The following IL1RAPL2 variants were observed in gnomAD, a reference collection of about 807,000 sequenced individuals.
IL1RAPL2 encodes the protein X-linked interleukin-1 receptor accessory protein-like 2.
In IL1RAPL2, 3 loss-of-function variants were observed where a neutral mutation model predicts 44.1. That is an observed-to-expected ratio of 0.07 (90% confidence interval 0.03 to 0.18). IL1RAPL2 has a LOEUF of 0.18. Ranked by LOEUF, IL1RAPL2 falls within the 10% of genes least tolerant of loss-of-function variation. The pLI, the probability that IL1RAPL2 is intolerant of heterozygous loss-of-function variation, is 1.00. For missense variants in IL1RAPL2, 391 were observed against 496.4 expected (o/e 0.79, Z 2.02); for synonymous variants, 181 against 178.8 (o/e 1.01, Z -0.10).
chrX:104,689,659 C>T (rs1209428682), intron 2 of IL1RAPL2, among the ~76,000 whole-genome samples: 2 of 111,566 alleles, frequency 1.8e-5, no homozygotes, highest in Non-Finnish European at 3.8e-5. Context: ...GGGCAAGCAG[C>T]CTTCACCAGG....
chrX:104,993,036 A>T (rs2030690343), intron 2 of IL1RAPL2, among the ~76,000 whole-genome samples: 1 of 111,650 alleles, frequency 9.0e-6, no homozygotes, highest in Non-Finnish European at 1.9e-5. Context: ...GAGCAGAGTC[A>T]CTTGAAAGGA....
At chrX:105,726,108 A>G in intron 7 of IL1RAPL2, among the ~76,000 whole-genome samples, 1 of 111,433 alleles carries the variant, frequency 9.0e-6, no homozygotes, top group Non-Finnish European at 1.9e-5. Context: ...AGTCTCAACT[A>G]TGTTGTGTTG....
At chrX:104,949,675 T>C (rs1276830379) in intron 2 of IL1RAPL2, among the ~76,000 whole-genome samples, 5 of 110,441 alleles carry the variant, frequency 4.5e-5, no homozygotes, top group Non-Finnish European at 3.8e-5. Flanking sequence ...TTTCGTTATG[T>C]AGCCAGTAGT....
intron 2 of IL1RAPL2, among the ~76,000 whole-genome samples, chrX:104,876,391 T>C (rs1922899540): frequency 8.9e-6 from 1 of 111,899 alleles, no homozygotes; most frequent in Non-Finnish European, 1.9e-5. Context: ...ATACATTTGT[T>C]TTTATTTGGG....
intron 2 of IL1RAPL2, among the ~76,000 whole-genome samples, chrX:104,659,567 T>C (rs1930347039): frequency 8.9e-6 from 1 of 112,144 alleles, no homozygotes; most frequent in Admixed American, 9.5e-5. Context: ...CTGTAGCCAG[T>C]ACATAGTCCA....
intron 6 of IL1RAPL2, among the ~76,000 whole-genome samples, chrX:105,513,144 A>G (rs1157639689): frequency 2.7e-5 from 3 of 111,587 alleles, no homozygotes; most frequent in Admixed American, 9.5e-5. Flanking sequence ...TATATGTGCC[A>G]CATTTTCTTT....
Position 105,029,776 on chromosome X carries a change from C to A in IL1RAPL2, c.83-165699C>A, listed in dbSNP as rs769908101. ...CTTTGGGTATATACCCAGTAATGGG[C>A]TGGCTGTGTCAAATGGTATTTCTAG... On this transcript the variant is annotated intron_variant, in intron 2 of 10. Transcript: ENST00000372582. Among the ~76,000 whole-genome samples the A allele has an allele frequency of 1.4e-3, 153 of 111,006 alleles. 1 individual carries two copies. Among genetic ancestry groups the A allele is most frequent in the Middle Eastern group, 9.3e-3 (2 of 214 alleles).
intron 5 of IL1RAPL2, among the ~76,000 whole-genome samples, chrX:105,278,857 T>A (rs1409609612): frequency 9.0e-6 from 1 of 111,339 alleles, no homozygotes; most frequent in Admixed American, 9.6e-5. Context: ...TCAATACATG[T>A]CACTAGTTCT....
chrX:105,546,768 C>T lies in IL1RAPL2; in HGVS notation c.772+62381C>T, dbSNP rs772231161. ...CCTAGTTATCGCTAGTTACAAACTA[C>T]GTTTGCTATATATTCATAAGATTTT... is the stretch of plus-strand genomic sequence containing the variant. On this transcript the variant is annotated intron_variant, in intron 6 of 10. Coordinates refer to ENST00000372582, the MANE Select transcript of IL1RAPL2 (RefSeq NM_017416.2). Among the ~76,000 whole-genome samples, 4 of 111,547 alleles carry T rather than the reference C, an allele frequency of 3.6e-5. No individual in the cohort carries two copies. The South Asian group carries it at 1.1e-3, about 31-fold the overall frequency.
Position 104,865,122 on chromosome X carries a change from A to G in IL1RAPL2, c.82+206127A>G, listed in dbSNP as rs891518937. On this transcript the variant is annotated intron_variant, in intron 2 of 10. Transcript: ENST00000372582. ...ACAGTTATTATGGTGGGAAAGGCCA[A>G]ATAGAAGCCATTAGAGCTGCCTCTA... 9.0e-5 allele frequency among the ~76,000 whole-genome samples: 10 copies of G among 111,553 alleles called. No homozygotes were observed. In the East Asian group the frequency reaches 1.1e-3, roughly 13 times the overall value.
chrX:104,707,400 A>G (rs1429697373), intron 2 of IL1RAPL2, among the ~76,000 whole-genome samples: 1 of 111,824 alleles, frequency 8.9e-6, no homozygotes, highest in Non-Finnish European at 1.9e-5. Flanking sequence ...AAAACCTAGT[A>G]TGAAAGAGTT....
intron 3 of IL1RAPL2, among the ~76,000 whole-genome samples, chrX:105,212,291 G>T (rs933665733): frequency 8.9e-6 from 1 of 111,931 alleles, no homozygotes; most frequent in Non-Finnish European, 1.9e-5. Flanking sequence ...AGTGGTGTTC[G>T]CTGTTACTGA....
intron 4 of IL1RAPL2, among the ~76,000 whole-genome samples, chrX:105,266,659 G>C (rs17003890): frequency 0.051 from 5,645 of 111,117 alleles, 343 homozygotes; most frequent in African/African-American, 0.17. Context: ...AAGATAATTG[G>C]CTTCAAAACC....
intron 3 of IL1RAPL2, among the ~76,000 whole-genome samples, chrX:105,212,733 G>A (rs1603011228): frequency 8.9e-6 from 1 of 112,142 alleles, no homozygotes; most frequent in Non-Finnish European, 1.9e-5. Flanking sequence ...GAGAGCTCCA[G>A]CTGGCATCAG....
chrX:104,795,418 C>CT (rs1932844284), intron 2 of IL1RAPL2, among the ~76,000 whole-genome samples: 1 of 85,604 alleles, frequency 1.2e-5, no homozygotes, highest in Non-Finnish European at 2.6e-5. Flanking sequence ...TCTCTCCCTT[C>CT]CTTTTTTTTT....
chrX:105,707,371 C>T (rs1273465402), intron 6 of IL1RAPL2, among the ~76,000 whole-genome samples: 1 of 111,929 alleles, frequency 8.9e-6, no homozygotes, highest in Non-Finnish European at 1.9e-5. Flanking sequence ...AAGAGAAAAC[C>T]GATTTAAAAA....
intron 2 of IL1RAPL2, among the ~76,000 whole-genome samples, chrX:104,917,485 A>G (rs901330768): frequency 9.0e-6 from 1 of 111,511 alleles, no homozygotes; most frequent in Non-Finnish European, 1.9e-5. Flanking sequence ...GATTTGATTT[A>G]AAAAAAACCT....
At chrX:105,077,606 G>C (rs1049623438) in intron 2 of IL1RAPL2, among the ~76,000 whole-genome samples, 3 of 111,564 alleles carry the variant, frequency 2.7e-5, no homozygotes, top group African/African-American at 9.8e-5. Context: ...GCTAGATTGG[G>C]GAAATTCTCC....
intron 9 of IL1RAPL2, among the ~76,000 whole-genome samples, chrX:105,751,704 G>T (rs1272747543): frequency 9.0e-6 from 1 of 111,490 alleles, no homozygotes; most frequent in Non-Finnish European, 1.9e-5. Context: ...TTATTTTTCT[G>T]CATAGAACCT....
Sources: allele counts gnomAD v4.1 joint callset (sites outside exome capture counted in the v4.1 genomes callset), GRCh38; gene constraint gnomAD v4.1.1; transcripts MANE v1.5; gene names NCBI Gene and HGNC (gene_info 2026-07-23, HGNC 2026-07-21).